NAALADL2: variants seen among roughly 807,000 people sequenced by gnomAD.
The protein encoded by NAALADL2 is inactive N-acetylated-alpha-linked acidic dipeptidase-like protein 2.
In NAALADL2, 76 loss-of-function variants were observed where a neutral mutation model predicts 87.2. The ratio of observed to expected loss-of-function variants is 0.87; its 90% confidence interval spans 0.72 to 1.05. The LOEUF is 1.05. Ranked by LOEUF, NAALADL2 falls within the 50% of genes least tolerant of loss-of-function variation. The probability of loss-of-function intolerance (pLI) is 0.00; values close to 1 mark genes in which losing one functional copy is unlikely to be tolerated. For missense variants in NAALADL2, 1,089 were observed against 945.8 expected (o/e 1.15, Z -1.99); for synonymous variants, 354 against 331.0 (o/e 1.07, Z -0.75).
chr3:175,364,227 G>A (rs754900929), intron 5 of NAALADL2, among the ~76,000 whole-genome samples: 1 of 147,882 alleles, frequency 6.8e-6, no homozygotes, highest in Non-Finnish European at 1.5e-5. Flanking sequence ...AATATATAAA[G>A]GGTCCTAACT....
At chr3:175,385,838 T>C (rs1182953981) in intron 5 of NAALADL2, among the ~76,000 whole-genome samples, 1 of 152,036 alleles carries the variant, frequency 6.6e-6, no homozygotes, top group Non-Finnish European at 1.5e-5. Context: ...ATTACATGCA[T>C]GGGGGCATCA....
At position 175,005,048 on chromosome 3, in the gene NAALADL2, C is replaced by A. The variant is rs561902074; in HGVS notation, c.44-91742C>A. Among the ~76,000 whole-genome samples the A allele has an allele frequency of 5.3e-4, 80 of 152,244 alleles. 1 individual carries two copies. The South Asian group carries it at 0.016, about 31-fold the overall frequency. ...AATGTATTTGGAATAGGTACTTCCT[C>A]TTGCTAAAGTATTGCTTGAGTGTAA... is the stretch of plus-strand genomic sequence containing the variant. On this transcript the variant is annotated intron_variant, in intron 1 of 13. Coordinates refer to ENST00000454872, the MANE Select transcript of NAALADL2 (RefSeq NM_207015.3).
At chr3:175,609,387 G>T (rs1724268938) in intron 10 of NAALADL2, 1 of 152,052 alleles carries the variant, frequency 6.6e-6, no homozygotes, top group African/African-American at 2.4e-5. Context: ...ATACATATGT[G>T]TAGTATTTAT....
chr3:175,118,043 C>G (rs1725546198), intron 2 of NAALADL2, among the ~76,000 whole-genome samples: 1 of 151,980 alleles, frequency 6.6e-6, no homozygotes, highest in African/African-American at 2.4e-5. Flanking sequence ...CATGTTGTCA[C>G]TCACAGGTGG....
At chr3:175,565,505 T>G (rs1236612460) in intron 9 of NAALADL2, among the ~76,000 whole-genome samples, 1 of 152,040 alleles carries the variant, frequency 6.6e-6, no homozygotes, top group Non-Finnish European at 1.5e-5. Context: ...TTTTGACTCT[T>G]TATTCTCTCC....
intron 3 of NAALADL2, 130 bp from the exon 4 acceptor site, chr3:175,256,281 G>T (rs1300728896): frequency 4.8e-6 from 4 of 831,330 alleles, no homozygotes; most frequent in African/African-American, 3.5e-5. Flanking sequence ...TTGGGACAGG[G>T]TAAGAGATAG....
chr3:175,087,804 A>G (rs1719326369), intron 1 of NAALADL2, among the ~76,000 whole-genome samples: 1 of 151,920 alleles, frequency 6.6e-6, no homozygotes, highest in African/African-American at 2.4e-5. Flanking sequence ...TAGGAAAACC[A>G]GAGACCCTTG....
chr3:174,806,498 A>G (rs1173222268), intron 3 of NAALADL2, among the ~76,000 whole-genome samples: 2 of 152,218 alleles, frequency 1.3e-5, no homozygotes, highest in African/African-American at 4.8e-5. Context: ...ATGACAGGAC[A>G]CCCAGAAGTT....
At chr3:174,587,145 C>T (rs930415867) in intron 2 of NAALADL2, among the ~76,000 whole-genome samples, 6 of 152,076 alleles carry the variant, frequency 3.9e-5, no homozygotes. Context: ...CATCCATGTC[C>T]CTACAAAGGA....
chr3:174,703,830 T>A (rs1236752431), intron 2 of NAALADL2, among the ~76,000 whole-genome samples: 1 of 152,188 alleles, frequency 6.6e-6, no homozygotes, highest in Non-Finnish European at 1.5e-5. Flanking sequence ...ATTTTACTTT[T>A]TCTTTTGCTT....
In NAALADL2 at chr3:174,630,967, C is replaced by T. The variant is rs149371587; in HGVS notation, c.-115+80330C>T. 5.4e-3 allele frequency among the ~76,000 whole-genome samples: 820 copies of T among 152,170 alleles called. 4 individuals carry two copies. The highest frequency in any genetic ancestry group is 0.019 in the African/African-American group (771 of 41,538). Reference sequence around the variant, plus strand: ...AAGGGATTTTGGGTCTATATTTTGCCGTACCTTTCACACACCACTCCAGAA... The same window carrying T: ...AAGGGATTTTGGGTCTATATTTTGCTGTACCTTTCACACACCACTCCAGAA... On this transcript the variant is annotated intron_variant, in intron 2 of 3. Transcript: ENST00000434257.
intron 10 of NAALADL2, among the ~76,000 whole-genome samples, chr3:175,607,941 C>A (rs560040159): frequency 8.5e-5 from 4 of 47,162 alleles, no homozygotes; most frequent in Non-Finnish European, 2.4e-4. Context: ...ACATCATATT[C>A]AATCTGAAAT....
intron 3 of NAALADL2, among the ~76,000 whole-genome samples, chr3:174,770,744 G>T (rs1714431814): frequency 2.0e-5 from 3 of 151,854 alleles, no homozygotes. Context: ...GGAGGCTGAG[G>T]CAGGAGAATG....
At chr3:175,138,887 AATAT>A (rs58824117) in intron 2 of NAALADL2, among the ~76,000 whole-genome samples, 12,246 of 94,890 alleles carry the variant, frequency 0.13, 788 homozygotes, top group East Asian at 0.24. Flanking sequence ...AGCCTTTTAA[AATAT>A]ATATATATAT....
chr3:174,721,027 G>A (rs1731664760), intron 2 of NAALADL2, among the ~76,000 whole-genome samples: 1 of 152,064 alleles, frequency 6.6e-6, no homozygotes, highest in Non-Finnish European at 1.5e-5. Context: ...TATTGAACCA[G>A]ACATACTGAT....
chr3:174,871,519 G>A (rs1269000122), intron 1 of NAALADL2, among the ~76,000 whole-genome samples: 2 of 152,162 alleles, frequency 1.3e-5, no homozygotes, highest in Non-Finnish European at 2.9e-5. Flanking sequence ...TTTTAAATTT[G>A]TGTAACTTAA....
At chr3:174,864,093 G>T (rs1219935270) in intron 1 of NAALADL2, 2 of 455,538 alleles carry the variant, frequency 4.4e-6, no homozygotes, top group Non-Finnish European at 8.8e-6. Flanking sequence ...AATCCAAGGT[G>T]AGTCTGACCT....
At chr3:174,884,328 C>G (rs1729795254) in intron 1 of NAALADL2, among the ~76,000 whole-genome samples, 1 of 152,152 alleles carries the variant, frequency 6.6e-6, no homozygotes, top group South Asian at 2.1e-4. Flanking sequence ...AACTTTGTGT[C>G]CCAGCCCTGA....
chr3:174,475,261 T>C (rs1292194879), intron 1 of NAALADL2, among the ~76,000 whole-genome samples: 1 of 151,868 alleles, frequency 6.6e-6, no homozygotes, highest in Non-Finnish European at 1.5e-5. Flanking sequence ...TGAACTGACT[T>C]GATTAAATAA....
Sources: allele counts gnomAD v4.1 joint callset (sites outside exome capture counted in the v4.1 genomes callset), GRCh38; gene constraint gnomAD v4.1.1; transcripts MANE v1.5; gene names NCBI Gene and HGNC (gene_info 2026-07-23, HGNC 2026-07-21).